Variants in LRRC31 observed in about 807,000 individuals in gnomAD.
LRRC31 encodes leucine rich repeat containing 31, also known as leucine-rich repeat-containing protein 31.
LRRC31 carries 35 observed loss-of-function variants against 46.7 expected under a neutral mutation model. The observed-to-expected ratio is 0.75, with a 90% CI of 0.57 to 0.99. The LOEUF is 0.99. LRRC31 is among the 50% of genes least tolerant of loss of function. LRRC31 has a pLI of 0.00. For synonymous variants in LRRC31, 236 were observed against 235.1 expected, an observed-to-expected ratio of 1.00 and a Z score of -0.03; for missense variants, 613 against 626.1, an observed-to-expected ratio of 0.98 and a Z score of 0.22.
intron 7 of LRRC31, among the ~76,000 whole-genome samples, chr3:169,850,425 C>T (rs1780722870): frequency 1.3e-5 from 2 of 152,152 alleles, no homozygotes; most frequent in South Asian, 2.1e-4. Context: ...TCCCAGGATA[C>T]GTAGCCTTCA....
intron 8 of LRRC31, among the ~76,000 whole-genome samples, chr3:169,843,287 G>A (rs1780506357): frequency 6.6e-6 from 1 of 152,210 alleles, no homozygotes; most frequent in African/African-American, 2.4e-5. Flanking sequence ...GCAGCCCCCA[G>A]CTGAGAGCTA....
At position 169,840,207 on chromosome 3, in the gene LRRC31, C is replaced by T. The variant is rs1780405263; in HGVS notation, c.1434G>A (p.Arg478=). The change falls in exon 9 of 9, where the codon CGG becomes CGA. Residue 478 remains arginine (R), a synonymous_variant. Coordinates refer to ENST00000316428, the MANE Select transcript of LRRC31 (RefSeq NM_024727.4). ...AGWTMFCQNV[R]FLKELIELDI... is the part of the protein sequence containing the mutation. ...CCAGCTCGATTAGCTCTTTGAGGAA[C>T]CGCACGTTTTGGCAGAACATGGTCC... The T allele has an allele frequency of 2.5e-6, 4 of 1,613,992 alleles. No homozygotes were observed. The African/African-American group carries it at 4.0e-5, about 16-fold the overall frequency.
Position 169,839,873 on chromosome 3 carries a change from T to C in LRRC31, c.*109A>G. 1 of 609,012 alleles carries C rather than the reference T, an allele frequency of 1.6e-6. No homozygotes were observed. The highest frequency in any genetic ancestry group is 2.8e-5 in the East Asian group (1 of 35,490). 37.7% of individuals were successfully genotyped at this position (609,012 alleles called of 1,614,324 possible). A position where few individuals can be genotyped will look rare whatever the true frequency, so the allele number is the denominator to read the frequency against. ...ATTTACAAAGCTCTTGTAATATAAGTCCCATTAAATGGCCCAGAAGTTGAA... is the reference window on the plus strand; with the variant it reads ...ATTTACAAAGCTCTTGTAATATAAGCCCCATTAAATGGCCCAGAAGTTGAA... On this transcript the variant is annotated 3_prime_UTR_variant, in exon 9 of 9. Transcript: ENST00000316428.
At position 169,842,515 on chromosome 3, in the gene LRRC31, T is replaced by C. The variant is rs886618221; in HGVS notation, c.1328-2202A>G. Among the ~76,000 whole-genome samples, 6 of 152,142 alleles carry C rather than the reference T, an allele frequency of 3.9e-5. No homozygotes were observed. In the East Asian group the frequency reaches 9.7e-4, roughly 25 times the overall value. On this transcript the variant is annotated intron_variant, in intron 8 of 8. Transcript: ENST00000316428. ...ACAGGCACCTGCCACCATGCCCAGC[T>C]AATTTGTGTACTTTTAGTAGAGACA...
At chr3:169,850,452 G>A (rs755483158) in intron 7 of LRRC31, among the ~76,000 whole-genome samples, 10 of 152,216 alleles carry the variant, frequency 6.6e-5, no homozygotes, top group Non-Finnish European at 7.4e-5. Flanking sequence ...CTGTTCTAGG[G>A]CCCATGGACC....
At chr3:169,863,081 G>A (rs1228381343) in intron 1 of LRRC31, among the ~76,000 whole-genome samples, 2 of 151,778 alleles carry the variant, frequency 1.3e-5, no homozygotes, top group African/African-American at 2.4e-5. Flanking sequence ...TGAGGGGTTC[G>A]CCATGTTGGC....
chr3:169,864,224 C>T (rs1360841520), intron 1 of LRRC31, among the ~76,000 whole-genome samples: 1 of 152,156 alleles, frequency 6.6e-6, no homozygotes, highest in African/African-American at 2.4e-5. Context: ...GTGGTTTCCA[C>T]TTGCTGGCCC....
At chr3:169,864,425 A>G (rs1781267968) in intron 1 of LRRC31, among the ~76,000 whole-genome samples, 1 of 152,234 alleles carries the variant, frequency 6.6e-6, no homozygotes, top group Non-Finnish European at 1.5e-5. Context: ...CAGTACAGTC[A>G]AAAGACCTGA....
intron 3 of LRRC31, among the ~76,000 whole-genome samples, chr3:169,859,545 G>A (rs375534903): frequency 3.9e-5 from 6 of 152,116 alleles, no homozygotes; most frequent in African/African-American, 1.2e-4. Flanking sequence ...ATCAAAAGAA[G>A]AATAAAAAGT....
intron 7 of LRRC31, among the ~76,000 whole-genome samples, chr3:169,848,713 C>G (rs1210874851): frequency 6.6e-6 from 1 of 152,216 alleles, no homozygotes; most frequent in Admixed American, 6.5e-5. Context: ...GCCTTGGCCT[C>G]CCGAAGTACT....
intron 4 of LRRC31, 68 bp downstream of exon 4, chr3:169,856,637 A>G: frequency 6.8e-7 from 1 of 1,470,872 alleles, no homozygotes; most frequent in Non-Finnish European, 9.0e-7. Context: ...AAGACAAAAC[A>G]CAGCAAACTT....
At chr3:169,869,537 T>C (rs1781426851) in intron 1 of LRRC31, 96 bp downstream of exon 1, 3 of 1,100,732 alleles carry the variant, frequency 2.7e-6, no homozygotes, top group South Asian at 1.9e-5. Flanking sequence ...ATACACCTAC[T>C]ATGTACCCAC....
At position 169,853,122 on chromosome 3, in the gene LRRC31, G is replaced by A. The variant is rs1051072869; in HGVS notation, c.992-1336C>T. ...TCACCATGTAGTTTGGGTATGCATCGGTTTACTCCTGCCCTTGCCATACCG... is the reference window on the plus strand; with the variant it reads ...TCACCATGTAGTTTGGGTATGCATCAGTTTACTCCTGCCCTTGCCATACCG... On this transcript the variant is annotated intron_variant, in intron 6 of 8. Coordinates refer to ENST00000316428, the MANE Select transcript of LRRC31 (RefSeq NM_024727.4). 10 of 643,026 alleles carry A rather than the reference G, an allele frequency of 1.6e-5. No homozygotes were observed. The Admixed American group carries it at 4.4e-4, about 28-fold the overall frequency. 39.8% of individuals were successfully genotyped at this position (643,026 alleles called of 1,614,324 possible).
At chr3:169,860,916 T>A (rs1781132833) in intron 2 of LRRC31, among the ~76,000 whole-genome samples, 188 bp from the exon 3 acceptor site, 1 of 152,182 alleles carries the variant, frequency 6.6e-6, no homozygotes, top group Admixed American at 6.5e-5. Flanking sequence ...GATGTTTACA[T>A]TTGCTATTTC....
intron 7 of LRRC31, among the ~76,000 whole-genome samples, chr3:169,850,938 T>C (rs902106853): frequency 6.6e-6 from 1 of 152,058 alleles, no homozygotes; most frequent in East Asian, 1.9e-4. Flanking sequence ...CAACACCACC[T>C]CCCTTTACTT....
chr3:169,845,092 T>G (rs1780565142), intron 8 of LRRC31, among the ~76,000 whole-genome samples: 1 of 152,110 alleles, frequency 6.6e-6, no homozygotes, highest in Admixed American at 6.5e-5. Flanking sequence ...CAATTATATA[T>G]CCACGTAACA....
chr3:169,851,796 A>T lies in LRRC31; in HGVS notation c.992-10T>A, dbSNP rs773206176. ...AAAGGAATGACCTGGGCTGTTAAAA[A>T]TATCAACAGTGACATGTTTTAGGCA... On this transcript the variant is annotated splice_polypyrimidine_tract_variant and intron_variant, in intron 6 of 8. Transcript: ENST00000316428. The T allele has an allele frequency of 1.9e-5, 31 of 1,613,414 alleles. No homozygotes were observed. Among genetic ancestry groups the T allele is most frequent in the Admixed American group, 1.5e-4 (9 of 59,906 alleles).
At position 169,868,944 on chromosome 3, in the gene LRRC31, G is replaced by GA. The variant is rs1576807078; in HGVS notation, c.175+688dup. 2.0e-5 allele frequency among the ~76,000 whole-genome samples: 3 copies of GA among 152,020 alleles called. No homozygotes were observed. The East Asian group carries it at 5.8e-4, about 29-fold the overall frequency. On this transcript the variant is annotated intron_variant, in intron 1 of 8. Transcript: ENST00000316428. Reference sequence around the variant, plus strand: ...GAGGTGTGGATGGTTAATGGGTACAGAAAAAATAGAATATATAAGATCTAC... The same window carrying GA: ...GAGGTGTGGATGGTTAATGGGTACAGAAAAAAATAGAATATATAAGATCTAC...
intron 1 of LRRC31, among the ~76,000 whole-genome samples, chr3:169,864,880 C>T (rs1197018869): frequency 6.6e-6 from 1 of 152,094 alleles, no homozygotes; most frequent in Non-Finnish European, 1.5e-5. Context: ...AGTTCAAAAC[C>T]AGGCTGGCCA....
Sources: allele counts gnomAD v4.1 joint callset (sites outside exome capture counted in the v4.1 genomes callset), GRCh38; gene constraint gnomAD v4.1.1; transcripts MANE v1.5; gene names NCBI Gene and HGNC (gene_info 2026-07-23, HGNC 2026-07-21).